Variants in LINGO2 observed in about 807,000 individuals in gnomAD.
LINGO2 encodes leucine-rich repeat and immunoglobulin-like domain-containing nogo receptor-interacting protein 2.
Under a neutral mutation model 30.6 loss-of-function variants are expected in LINGO2, and 14 were observed. The observed-to-expected ratio is 0.46, with a 90% CI of 0.30 to 0.72. LINGO2 has a LOEUF of 0.72. Among genes scored for constraint, LINGO2 ranks in the 30% least tolerant of loss-of-function variants. The pLI is 0.07. For synonymous variants in LINGO2, 317 were observed against 288.5 expected (o/e 1.10, Z -1.00); for missense variants, 729 against 751.7 (o/e 0.97, Z 0.35).
chr9:28,949,243 G>T, the LINGO2 span, among the ~76,000 whole-genome samples: 8 of 151,962 alleles, frequency 5.3e-5, no homozygotes, highest in African/African-American at 1.7e-4. Context: ...CAGAAGACAA[G>T]AAATAACTAA....
the LINGO2 span, among the ~76,000 whole-genome samples, chr9:28,839,551 A>G: frequency 1.3e-5 from 2 of 152,072 alleles, no homozygotes; most frequent in African/African-American, 4.8e-5. Flanking sequence ...CTGCTCAGCT[A>G]TCAGCTGCTG....
At chr9:27,938,393 T>G in the LINGO2 span, 1 of 152,130 alleles carries the variant, frequency 6.6e-6, no homozygotes, top group Non-Finnish European at 1.5e-5. Context: ...TATATACCAT[T>G]TCCTCATGCT....
At chr9:28,958,464 C>G in the LINGO2 span, among the ~76,000 whole-genome samples, 1 of 152,018 alleles carries the variant, frequency 6.6e-6, no homozygotes, top group Non-Finnish European at 1.5e-5. Flanking sequence ...TAAAAAGATT[C>G]CCTGAGGTAC....
At chr9:28,790,824 T>C in the LINGO2 span, among the ~76,000 whole-genome samples, 1 of 152,154 alleles carries the variant, frequency 6.6e-6, no homozygotes, top group Admixed American at 6.5e-5. Context: ...AAGGTATGTA[T>C]GTATAGGGAA....
chr9:28,547,568 G>T (rs113889297), intron 1 of LINGO2, among the ~76,000 whole-genome samples: 378 of 152,092 alleles, frequency 2.5e-3, no homozygotes, highest in African/African-American at 8.6e-3. Context: ...TTTTCGAAAG[G>T]AACATATGTT....
At chr9:28,340,502 T>C (rs932338579) in intron 3 of LINGO2, among the ~76,000 whole-genome samples, 1 of 152,152 alleles carries the variant, frequency 6.6e-6, no homozygotes, top group African/African-American at 2.4e-5. Flanking sequence ...TATATCACAC[T>C]AAAATAAATA....
chr9:28,313,837 G>A (rs892376892), intron 3 of LINGO2, among the ~76,000 whole-genome samples: 5 of 152,166 alleles, frequency 3.3e-5, no homozygotes, highest in Non-Finnish European at 5.9e-5. Context: ...CTTTGTATGT[G>A]TCTCTGAAGG....
chr9:28,775,825 G>A, the LINGO2 span, among the ~76,000 whole-genome samples: 25 of 152,160 alleles, frequency 1.6e-4, no homozygotes, highest in Non-Finnish European at 3.2e-4. Context: ...TACTTTGTTC[G>A]TTCACTCTTT....
At chr9:28,095,044 A>C (rs994105089) in intron 4 of LINGO2, among the ~76,000 whole-genome samples, 1 of 152,166 alleles carries the variant, frequency 6.6e-6, no homozygotes, top group African/African-American at 2.4e-5. Flanking sequence ...TTCCACAATT[A>C]AAAGTTTAAT....
chr9:27,982,360 T>C (rs1820921266), intron 5 of LINGO2, among the ~76,000 whole-genome samples: 1 of 151,808 alleles, frequency 6.6e-6, no homozygotes, highest in African/African-American at 2.4e-5. Context: ...AGTAAATCTG[T>C]GAGATTTCCA....
chr9:28,308,453 T>C (rs1294988840), intron 3 of LINGO2, among the ~76,000 whole-genome samples: 14 of 145,036 alleles, frequency 9.7e-5, no homozygotes, highest in African/African-American at 2.5e-4. Context: ...AAGACTTAAA[T>C]GTTAGACCTA....
chr9:28,600,356 G>C (rs1356709010), intron 1 of LINGO2, among the ~76,000 whole-genome samples: 2 of 151,962 alleles, frequency 1.3e-5, no homozygotes, highest in Admixed American at 1.3e-4. Flanking sequence ...TTCATGACAC[G>C]TTATAGTTTG....
Position 28,154,382 on chromosome 9 carries a change from T to A in LINGO2, c.-87+140826A>T, listed in dbSNP as rs79666074. On this transcript the variant is annotated intron_variant, in intron 4 of 5. Transcript: ENST00000379992. ...ACAATTCAATGGAAAATATTATAAA[T>A]CAAAGATGAACACATGCAGAACCAA... Among the ~76,000 whole-genome samples the A allele has an allele frequency of 8.7e-4, 133 of 152,288 alleles. 4 individuals carry two copies. The East Asian group carries it at 0.023, about 26-fold the overall frequency.
In LINGO2 at chr9:28,125,405, T is replaced by C. The variant is rs1241095315; in HGVS notation, c.-86-113000A>G. Reference sequence around the variant, plus strand: ...CAGAGGATACTAAAAACAAAACTGCTTATATGCAGCATACATAAAAACTTC... The same window carrying C: ...CAGAGGATACTAAAAACAAAACTGCCTATATGCAGCATACATAAAAACTTC... On this transcript the variant is annotated intron_variant, in intron 4 of 5. Transcript: ENST00000379992. Among the ~76,000 whole-genome samples, 21 of 152,204 alleles carry C rather than the reference T, an allele frequency of 1.4e-4. 1 individual carries two copies. The highest frequency in any genetic ancestry group is 1.4e-3 in the Admixed American group (21 of 15,282).
At chr9:28,098,169 G>A (rs1055099139) in intron 4 of LINGO2, among the ~76,000 whole-genome samples, 6 of 152,148 alleles carry the variant, frequency 3.9e-5, no homozygotes, top group Admixed American at 3.3e-4. Context: ...GCTGGGTGTG[G>A]TGGCATCCAC....
At chr9:28,981,942 A>G in the LINGO2 span, among the ~76,000 whole-genome samples, 1 of 152,096 alleles carries the variant, frequency 6.6e-6, no homozygotes, top group Non-Finnish European at 1.5e-5. Context: ...GCCTTCCTCA[A>G]GATCACACTT....
intron 4 of LINGO2, among the ~76,000 whole-genome samples, chr9:28,120,119 A>C (rs148583891): frequency 9.8e-4 from 149 of 152,324 alleles, no homozygotes; most frequent in Middle Eastern, 3.4e-3. Context: ...AACAAACTGG[A>C]AAGAAATAGG....
chr9:28,370,271 C>A (rs1352083563), intron 3 of LINGO2, among the ~76,000 whole-genome samples: 1 of 152,126 alleles, frequency 6.6e-6, no homozygotes, highest in African/African-American at 2.4e-5. Context: ...CCCTGCAAAT[C>A]ATTAAACCCA....
chr9:28,433,922 TTTCTCTC>T (rs1823788417), intron 2 of LINGO2, among the ~76,000 whole-genome samples: 1 of 86,142 alleles, frequency 1.2e-5, no homozygotes, highest in South Asian at 5.1e-4. Context: ...GTGCTCTCTC[TTTCTCTC>T]TCTCTCTCTC....
Sources: allele counts gnomAD v4.1 joint callset (sites outside exome capture counted in the v4.1 genomes callset), GRCh38; gene constraint gnomAD v4.1.1; transcripts MANE v1.5; gene names NCBI Gene and HGNC (gene_info 2026-07-23, HGNC 2026-07-21).